ARHGAP32: variants seen among roughly 807,000 people sequenced by gnomAD.
ARHGAP32 encodes Rho GTPase activating protein 32.
A neutral mutation model predicts 186.5 loss-of-function variants in ARHGAP32; 51 were observed. The observed-to-expected ratio is 0.27, with a 90% CI of 0.22 to 0.35. The LOEUF is 0.35. ARHGAP32 is among the 10% of genes least tolerant of loss of function. The probability of loss-of-function intolerance (pLI) is 1.00; values close to 1 mark genes in which losing one functional copy is unlikely to be tolerated. For missense variants in ARHGAP32, 2,186 were observed against 2,623.5 expected, an observed-to-expected ratio of 0.83 and a Z score of 3.64; for synonymous variants, 950 against 964.3, an observed-to-expected ratio of 0.99 and a Z score of 0.27.
At chr11:129,037,379 A>G (rs1441052865) in intron 11 of ARHGAP32, among the ~76,000 whole-genome samples, 1 of 151,996 alleles carries the variant, frequency 6.6e-6, no homozygotes, top group Non-Finnish European at 1.5e-5. Context: ...CTGTAGTACT[A>G]GCTACTCAGG....
chr11:129,037,261 C>T (rs1939382567), intron 11 of ARHGAP32, among the ~76,000 whole-genome samples: 1 of 152,156 alleles, frequency 6.6e-6, no homozygotes. Flanking sequence ...CTTTTGGAGG[C>T]TCATGCGGGA....
chr11:129,055,049 A>G (rs1469208822), intron 10 of ARHGAP32, among the ~76,000 whole-genome samples: 8 of 152,220 alleles, frequency 5.3e-5, no homozygotes, highest in African/African-American at 1.9e-4. Flanking sequence ...CCTACCCCAC[A>G]ACGACTGAAA....
chr11:129,075,664 T>C (rs1265512339), intron 6 of ARHGAP32, among the ~76,000 whole-genome samples: 1 of 152,192 alleles, frequency 6.6e-6, no homozygotes, highest in African/African-American at 2.4e-5. Flanking sequence ...ATATAATTGA[T>C]ATTGATAGAA....
At chr11:129,063,803 T>C in intron 9 of ARHGAP32, 99 bp downstream of exon 9, 2 of 1,335,350 alleles carry the variant, frequency 1.5e-6, no homozygotes, top group Non-Finnish European at 2.0e-6. Context: ...CTGGTGCTTT[T>C]CATTTTTTTA....
At chr11:129,118,429 GA>G (rs1452691629) in intron 5 of ARHGAP32, among the ~76,000 whole-genome samples, 1 of 151,966 alleles carries the variant, frequency 6.6e-6, no homozygotes, top group Non-Finnish European at 1.5e-5. Flanking sequence ...AAATTTGGTT[GA>G]TCAGTAAAAC....
At chr11:129,010,533 A>G (rs1310468967) in intron 11 of ARHGAP32, among the ~76,000 whole-genome samples, 2 of 152,126 alleles carry the variant, frequency 1.3e-5, no homozygotes, top group Admixed American at 6.5e-5. Flanking sequence ...CTCCCAATCC[A>G]TTTATTAAAT....
intron 10 of ARHGAP32, among the ~76,000 whole-genome samples, chr11:129,048,096 C>A (rs2135062193): frequency 6.6e-6 from 1 of 151,378 alleles, no homozygotes; most frequent in East Asian, 1.9e-4. Context: ...CCTTGTATGT[C>A]CCCCAAAAGC....
At chr11:128,982,481 G>C (rs191499793) in intron 15 of ARHGAP32, among the ~76,000 whole-genome samples, 1 of 150,904 alleles carries the variant, frequency 6.6e-6, no homozygotes, top group African/African-American at 2.4e-5. Flanking sequence ...TGCCGTGTGT[G>C]TGTGTGTGTG....
intron 1 of ARHGAP32, among the ~76,000 whole-genome samples, chr11:129,244,871 G>T (rs1361184891): frequency 6.6e-6 from 1 of 151,208 alleles, no homozygotes; most frequent in Non-Finnish European, 1.5e-5. Context: ...CTGGCCATCA[G>T]AGAAATGCAA....
Position 128,974,153 on chromosome 11 carries a change from T to C in ARHGAP32, c.3044A>G (p.Lys1015Arg), listed in dbSNP as rs746915930. The stretch of plus-strand genomic sequence containing the variant: ...CTGAGTCTGTCCAGAAGCTACAGCC[T>C]TACTCTGACTGCTTGAGACAGACTG... ...EDQSVSSSQS[K>R]AVASGQTQTG... is the part of the protein sequence containing the mutation. Residue 1015 changes from lysine (K) to arginine (R), a missense_variant, in exon 21 of 23, where the codon AAG becomes AGG. Lys to Arg is a conservative substitution (Grantham distance 26, BLOSUM62 2). Coordinates refer to ENST00000682385, the MANE Select transcript of ARHGAP32 (RefSeq NM_001378024.1). The C allele has an allele frequency of 1.2e-6, 2 of 1,614,200 alleles. No homozygotes were observed. Among genetic ancestry groups the C allele is most frequent in the South Asian group, 1.1e-5 (1 of 91,080 alleles).
intron 1 of ARHGAP32, among the ~76,000 whole-genome samples, chr11:129,267,069 G>A (rs1945411478): frequency 6.6e-6 from 1 of 152,214 alleles, no homozygotes; most frequent in Non-Finnish European, 1.5e-5. Flanking sequence ...CCTCAGGTCA[G>A]AGGCTGACTC....
chr11:129,078,215 T>C (rs1005403988), intron 6 of ARHGAP32, among the ~76,000 whole-genome samples: 2 of 151,986 alleles, frequency 1.3e-5, no homozygotes, highest in Non-Finnish European at 1.5e-5. Flanking sequence ...TAACAATCAC[T>C]GCAGTCCAGC....
chr11:129,239,304 T>C (rs963918946), intron 1 of ARHGAP32, among the ~76,000 whole-genome samples: 2 of 152,204 alleles, frequency 1.3e-5, no homozygotes, highest in Non-Finnish European at 2.9e-5. Flanking sequence ...CTTACTCTGT[T>C]AGAACATGCA....
chr11:129,174,412 A>C (rs1230094025), intron 1 of ARHGAP32, among the ~76,000 whole-genome samples: 3 of 152,222 alleles, frequency 2.0e-5, no homozygotes, highest in Non-Finnish European at 2.9e-5. Flanking sequence ...CAAAGCAGCC[A>C]GAAAGCTCGA....
At chr11:129,249,713 A>G (rs888820261) in intron 1 of ARHGAP32, among the ~76,000 whole-genome samples, 8 of 152,250 alleles carry the variant, frequency 5.3e-5, no homozygotes, top group Admixed American at 4.6e-4. Flanking sequence ...TGACTAAATA[A>G]GGAAACAAAT....
At chr11:129,151,956 A>T (rs1416568145) in intron 2 of ARHGAP32, among the ~76,000 whole-genome samples, 1 of 152,208 alleles carries the variant, frequency 6.6e-6, no homozygotes, top group African/African-American at 2.4e-5. Flanking sequence ...GAAAGAACAA[A>T]CAAAATTGAT....
intron 12 of ARHGAP32, among the ~76,000 whole-genome samples, chr11:128,991,255 A>G (rs1946040740): frequency 1.3e-5 from 2 of 152,168 alleles, no homozygotes; most frequent in Admixed American, 1.3e-4. Context: ...GTTTTCTTAT[A>G]TTTTGTGTTC....
chr11:129,185,663 C>T (rs560654622), intron 1 of ARHGAP32, among the ~76,000 whole-genome samples: 1 of 151,900 alleles, frequency 6.6e-6, no homozygotes, highest in Non-Finnish European at 1.5e-5. Context: ...ATTAAACTGA[C>T]GGAGGCAGAA....
rs550004692 is a variant in ARHGAP32 at position 129,138,974 on chromosome 11, A to G, written c.226-14080T>C. Reference sequence around the variant, plus strand: ...TTTTATCACAAAACCTACCATGTCTAAAACAGGCATATAAAAAGTTCAGAA... The same window carrying G: ...TTTTATCACAAAACCTACCATGTCTGAAACAGGCATATAAAAAGTTCAGAA... On this transcript the variant is annotated intron_variant, in intron 2 of 22. Coordinates refer to ENST00000682385, the MANE Select transcript of ARHGAP32 (RefSeq NM_001378024.1). Among the ~76,000 whole-genome samples, 5 of 152,312 alleles carry G rather than the reference A, an allele frequency of 3.3e-5. No individual in the cohort carries two copies. The South Asian group carries it at 1.0e-3, about 32-fold the overall frequency.
Sources: gnomAD v4.1 joint callset for allele counts (sites outside exome capture counted in the v4.1 genomes callset) on GRCh38, gnomAD v4.1.1 for gene constraint, MANE v1.5 for transcripts, NCBI Gene and HGNC (gene_info 2026-07-23, HGNC 2026-07-21) for gene names.